The following PCDHGA1 variants were observed in gnomAD, a reference collection of about 807,000 sequenced individuals.
PCDHGA1 encodes the protein protocadherin gamma-A1.
PCDHGA1 carries 32 observed loss-of-function variants against 58.0 expected under a neutral mutation model. The observed-to-expected ratio is 0.55, with a 90% CI of 0.42 to 0.74. PCDHGA1 has a LOEUF of 0.74. Among genes scored for constraint, PCDHGA1 ranks in the 30% least tolerant of loss-of-function variants. The probability of loss-of-function intolerance (pLI) is 0.00; values close to 1 mark genes in which losing one functional copy is unlikely to be tolerated. For synonymous variants in PCDHGA1, 498 were observed against 501.1 expected, an observed-to-expected ratio of 0.99 and a Z score of 0.08; for missense variants, 1,205 against 1,182.3, an observed-to-expected ratio of 1.02 and a Z score of -0.28.
chr5:141,359,666 T>C lies in PCDHGA1; in HGVS notation c.2421+26561T>C, dbSNP rs575464328. Among the ~76,000 whole-genome samples, 19 of 152,200 alleles carry C rather than the reference T, an allele frequency of 1.2e-4. No homozygotes were observed. In the South Asian group the frequency reaches 3.9e-3, roughly 32 times the overall value. On this transcript the variant is annotated intron_variant, in intron 1 of 3. Transcript: ENST00000517417. ...GAAGGAGACAGAATATTTATAAAAA[T>C]CCGTTGCCCTATACAAGACATATCT...
chr5:141,375,766 G>A, intron 1 of PCDHGA1: 2 of 1,614,270 alleles, frequency 1.2e-6, no homozygotes, highest in Non-Finnish European at 1.7e-6. Flanking sequence ...ATGCGCCCGA[G>A]ATCCTGTACC....
intron 1 of PCDHGA1, chr5:141,342,898 G>A (rs1757224580): frequency 6.6e-6 from 1 of 152,120 alleles, no homozygotes; most frequent in Non-Finnish European, 1.5e-5. Context: ...TTAAACAAAG[G>A]AAACTTCTTT....
rs1322608789 is a variant in PCDHGA1, at chr5:141,485,671, G to A, written c.2422-9136G>A. 3 of 1,612,860 alleles carry A rather than the reference G, an allele frequency of 1.9e-6. No homozygotes were observed. The highest frequency in any genetic ancestry group is 2.5e-6 in the Non-Finnish European group (3 of 1,179,040). On this transcript the variant is annotated intron_variant, in intron 1 of 3. Coordinates refer to ENST00000517417, the MANE Select transcript of PCDHGA1 (RefSeq NM_018912.3). This position sits in a 1 kb window ranked among gnomAD's most constrained non-coding sequence, Gnocchi z 5.7. Reference sequence around the variant, plus strand: ...AGGATGCAGATGTGGGGAGCAATTCGATTAGCAGCTATAGGCTGAGCTCCA... The same window carrying A: ...AGGATGCAGATGTGGGGAGCAATTCAATTAGCAGCTATAGGCTGAGCTCCA...
intron 1 of PCDHGA1, among the ~76,000 whole-genome samples, chr5:141,405,886 CCAACACTGAAAGGAGG>C (rs1168478788): frequency 1.3e-5 from 2 of 152,086 alleles, no homozygotes; most frequent in African/African-American, 4.8e-5. Context: ...AATTGTTGCT[CCAACACTGAAAGGAGG>C]CATTTATTAG....
intron 1 of PCDHGA1, chr5:141,399,490 G>A (rs750081604): frequency 1.1e-5 from 17 of 1,614,036 alleles, no homozygotes; most frequent in Non-Finnish European, 1.4e-5. Flanking sequence ...GTCCTACTTA[G>A]TCAGTGTACC....
At chr5:141,435,026 C>T (rs977017371) in intron 1 of PCDHGA1, among the ~76,000 whole-genome samples, 1 of 151,978 alleles carries the variant, frequency 6.6e-6, no homozygotes, top group Non-Finnish European at 1.5e-5. Flanking sequence ...GCTCTTTTCC[C>T]ACTTTTATTT....
At chr5:141,344,177 C>T (rs754808139) in intron 1 of PCDHGA1, 2 of 1,614,030 alleles carry the variant, frequency 1.2e-6, no homozygotes, top group South Asian at 1.1e-5. Flanking sequence ...TGGGCAACAT[C>T]GCTAACGACC....
chr5:141,400,728 T>C, intron 1 of PCDHGA1: 1 of 648,188 alleles, frequency 1.5e-6, no homozygotes. Context: ...ATTTACAAAG[T>C]AGTGAGAGTT....
chr5:141,410,311 C>T lies in PCDHGA1; in HGVS notation c.2421+77206C>T, dbSNP rs867067555. On this transcript the variant is annotated intron_variant, in intron 1 of 3. Coordinates refer to ENST00000517417, the MANE Select transcript of PCDHGA1 (RefSeq NM_018912.3). ...CCTTGGCCTTAATCTCAGTGCTCTT[C>T]CTCCTCGCCGTGATTCTGGCCATTG... 4 of 1,613,936 alleles carry T rather than the reference C, an allele frequency of 2.5e-6. No homozygotes were observed. In the African/African-American group the frequency reaches 5.3e-5, roughly 22 times the overall value.
Position 141,476,160 on chromosome 5 carries a change from G to A in PCDHGA1, c.2422-18647G>A, listed in dbSNP as rs781765205. 4.3e-6 allele frequency: 7 copies of A among 1,612,858 alleles called. No homozygotes were observed. The highest frequency in any genetic ancestry group is 5.9e-6 in the Non-Finnish European group (7 of 1,179,926). On this transcript the variant is annotated intron_variant, in intron 1 of 3. Coordinates refer to ENST00000517417, the MANE Select transcript of PCDHGA1 (RefSeq NM_018912.3). This position sits in a 1 kb window ranked among gnomAD's most constrained non-coding sequence, Gnocchi z 7.6. ...AGGAGCGGACTGGTAAGCACCGGGA[G>A]GGTAGTGGGAGTTTTGCTTCTGCTT...
chr5:141,350,133 C>T, intron 1 of PCDHGA1: 1 of 737,120 alleles, frequency 1.4e-6, no homozygotes, highest in Admixed American at 3.6e-5. Context: ...TGAGCACAGA[C>T]GCTGCTCCTG....
intron 1 of PCDHGA1, chr5:141,360,857 T>A (rs765284863): frequency 5.6e-6 from 9 of 1,613,894 alleles, no homozygotes; most frequent in Non-Finnish European, 7.6e-6. Context: ...AACCCTCCAG[T>A]GTTCAGCCAG....
At chr5:141,507,833 G>C (rs1184502436) in intron 3 of PCDHGA1, among the ~76,000 whole-genome samples, 2 of 152,172 alleles carry the variant, frequency 1.3e-5, no homozygotes, top group East Asian at 3.9e-4. Flanking sequence ...GGAGGTGGTG[G>C]GTCAGGCCCT....
intron 1 of PCDHGA1, among the ~76,000 whole-genome samples, chr5:141,335,138 C>G (rs546673194): frequency 1.3e-5 from 2 of 152,072 alleles, no homozygotes; most frequent in African/African-American, 4.8e-5. Flanking sequence ...TGCTTGGTAC[C>G]AAGAGTATAC....
In PCDHGA1 at chr5:141,438,591, C is replaced by T. The variant is rs12717894; in HGVS notation, c.2422-56216C>T. 3.5e-3 allele frequency among the ~76,000 whole-genome samples: 262 copies of T among 75,376 alleles called. 1 individual carries two copies. The highest frequency in any genetic ancestry group is 4.5e-3 in the Non-Finnish European group (168 of 37,204). 49.4% of individuals were successfully genotyped at this position (75,376 alleles called of 152,430 possible). ...TCTGATATACATACATACATACATA[C>T]ATATATATATATATATATATATATA... On this transcript the variant is annotated intron_variant, in intron 1 of 3. Transcript: ENST00000517417.
intron 1 of PCDHGA1, chr5:141,357,513 C>T (rs1239819911): frequency 2.5e-6 from 4 of 1,614,122 alleles, no homozygotes; most frequent in East Asian, 2.2e-5. Context: ...TGATCTTCTC[C>T]CAACCCAGCT....
chr5:141,333,392 G>C, intron 1 of PCDHGA1: 1 of 529,862 alleles, frequency 1.9e-6, no homozygotes, highest in East Asian at 3.1e-5. Flanking sequence ...TAGAAACGGC[G>C]ATCTAGCTTC....
intron 1 of PCDHGA1, chr5:141,341,056 G>A (rs148818504): frequency 1.4e-5 from 23 of 1,614,076 alleles, no homozygotes; most frequent in Non-Finnish European, 1.9e-5. Context: ...ACCTGGTGGT[G>A]GCGGTGGCCG....
chr5:141,420,980 C>T (rs1463868271), intron 1 of PCDHGA1: 1 of 484,260 alleles, frequency 2.1e-6, no homozygotes, highest in Non-Finnish European at 3.6e-6. Flanking sequence ...AGAATGGGCT[C>T]TAGGCGCCGC....
Sources: gnomAD v4.1 joint callset for allele counts (sites outside exome capture counted in the v4.1 genomes callset) on GRCh38, gnomAD v4.1.1 for gene constraint, Gnocchi (gnomAD v3.1) non-coding constraint, MANE v1.5 for transcripts, NCBI Gene and HGNC (gene_info 2026-07-23, HGNC 2026-07-21) for gene names.